MEMO1: variants seen among roughly 807,000 people sequenced by gnomAD.
MEMO1 encodes protein MEMO1.
In MEMO1, 6 loss-of-function variants were observed where a neutral mutation model predicts 45.2. That is an observed-to-expected ratio of 0.13 (90% CI 0.07 to 0.26). The LOEUF (loss-of-function observed/expected upper bound fraction) is 0.26, where lower values mean the gene tolerates loss of function less well. MEMO1 is among the 10% of genes least tolerant of loss of function. The pLI is 1.00. For synonymous variants in MEMO1, 78 were observed against 124.3 expected (o/e 0.63, Z 2.48); for missense variants, 184 against 370.5 (o/e 0.50, Z 4.13).
chr2:31,937,198 G>A (rs1171137210), intron 3 of MEMO1, among the ~76,000 whole-genome samples: 2 of 152,096 alleles, frequency 1.3e-5, no homozygotes, highest in Non-Finnish European at 2.9e-5. Flanking sequence ...AAAAATATCA[G>A]TAGATAATTG....
intron 2 of MEMO1, among the ~76,000 whole-genome samples, chr2:31,993,949 C>CTTTTTTTTTTTTTTTTTTTTTTT (rs397800267): frequency 1.4e-5 from 1 of 73,556 alleles, no homozygotes. Flanking sequence ...TCAATACTTT[C>CTTTTTTTTTTTTTTTTTTTTTTT]TTTTTTTTTT....
intron 3 of MEMO1, 106 bp downstream of exon 3, chr2:31,943,196 C>A: frequency 1.2e-6 from 1 of 816,506 alleles, no homozygotes; most frequent in South Asian, 1.4e-5. Flanking sequence ...ACCTGGGAGG[C>A]GGAGGTTGCA....
chr2:31,887,038 T>C (rs2147963526), intron 7 of MEMO1, among the ~76,000 whole-genome samples: 1 of 152,278 alleles, frequency 6.6e-6, no homozygotes, highest in Admixed American at 6.5e-5. Context: ...ACCTTACTCT[T>C]TGAGGGAAGG....
intron 6 of MEMO1, among the ~76,000 whole-genome samples, chr2:31,916,593 T>A (rs1021122437): frequency 1.3e-5 from 2 of 152,212 alleles, no homozygotes; most frequent in African/African-American, 4.8e-5. Context: ...TCTCAGTGAA[T>A]AACAATATTC....
intron 4 of MEMO1, among the ~76,000 whole-genome samples, chr2:31,925,726 C>T (rs772711329): frequency 7.9e-5 from 12 of 152,084 alleles, no homozygotes; most frequent in Non-Finnish European, 1.5e-4. Flanking sequence ...AGCGTAAAAC[C>T]ACTGGCCCAT....
At chr2:31,921,866 C>T (rs1333784787) in intron 4 of MEMO1, among the ~76,000 whole-genome samples, 1 of 152,116 alleles carries the variant, frequency 6.6e-6, no homozygotes, top group African/African-American at 2.4e-5. Flanking sequence ...GTTATTTGCA[C>T]TGTAGTCTAA....
chr2:31,980,449 T>C (rs904256180), intron 2 of MEMO1, among the ~76,000 whole-genome samples: 2 of 152,098 alleles, frequency 1.3e-5, no homozygotes, highest in Admixed American at 1.3e-4. Context: ...AATAAATATA[T>C]AATTTTTAGA....
At chr2:31,907,517 G>A (rs1382363617) in intron 6 of MEMO1, among the ~76,000 whole-genome samples, 4 of 151,858 alleles carry the variant, frequency 2.6e-5, no homozygotes, top group Admixed American at 2.0e-4. Context: ...TAGTAAGTCC[G>A]GGCACAGTGG....
chr2:32,010,710 C>G (rs1572980202), intron 1 of MEMO1, among the ~76,000 whole-genome samples: 2 of 149,908 alleles, frequency 1.3e-5, no homozygotes, highest in Non-Finnish European at 3.0e-5. Context: ...CCGCACCCAC[C>G]CCCACCCCCG....
chr2:31,958,698 C>T (rs10439444), intron 2 of MEMO1, among the ~76,000 whole-genome samples: 65,129 of 151,990 alleles, frequency 0.43, 14,165 homozygotes, highest in Admixed American at 0.47. Context: ...ATCACCCTGG[C>T]CGGAATGCAA....
At chr2:31,932,643 G>A (rs1322850225) in intron 3 of MEMO1, among the ~76,000 whole-genome samples, 1 of 152,040 alleles carries the variant, frequency 6.6e-6, no homozygotes, top group Non-Finnish European at 1.5e-5. Context: ...CTCTGTTGCT[G>A]AGGCTGGTCT....
chr2:31,919,253 A>G (rs1681917532), intron 5 of MEMO1, among the ~76,000 whole-genome samples: 1 of 151,928 alleles, frequency 6.6e-6, no homozygotes, highest in African/African-American at 2.4e-5. Flanking sequence ...AGCTCAAGCC[A>G]TCCTCCTACC....
In MEMO1 at chr2:31,943,368, G is replaced by A. The variant is rs1665834503; in HGVS notation, c.77C>T (p.Ala26Val). Residue 26 changes from alanine to valine, a missense_variant, in exon 3 of 10, where the codon GCA (alanine) becomes GTA (valine). By Grantham distance (64) the Ala-to-Val change is moderately conservative. Coordinates refer to ENST00000404530, the MANE Select transcript of MEMO1 (RefSeq NM_001301833.4). The part of the protein sequence containing the change: ...WYTASGPQLN[A>V]QLEGWLSQVQ... Reference sequence around the variant, plus strand: ...TTGTGAAAGCCAACCTTCTAGCTGTGCATTCAGCTGCGGTCCTATAAAAAG... The same window carrying A: ...TTGTGAAAGCCAACCTTCTAGCTGTACATTCAGCTGCGGTCCTATAAAAAG... 4.3e-6 allele frequency: 7 copies of A among 1,612,574 alleles called. No homozygotes were observed. The highest frequency in any genetic ancestry group is 5.9e-6 in the Non-Finnish European group (7 of 1,178,652).
intron 2 of MEMO1, among the ~76,000 whole-genome samples, chr2:32,007,656 A>T (rs2148625189): frequency 6.6e-6 from 1 of 152,330 alleles, no homozygotes; most frequent in Admixed American, 6.5e-5. Context: ...TGCTGTAGGA[A>T]CCACAGAATG....
At chr2:31,958,321 CCTTT>C (rs1667631031) in intron 2 of MEMO1, among the ~76,000 whole-genome samples, 1 of 151,306 alleles carries the variant, frequency 6.6e-6, no homozygotes, top group African/African-American at 2.4e-5. Context: ...CAGTTCATTC[CCTTT>C]GGAATGAACT....
chr2:32,002,241 A>C (rs1330530749), intron 2 of MEMO1, among the ~76,000 whole-genome samples: 3 of 147,402 alleles, frequency 2.0e-5, no homozygotes, highest in Non-Finnish European at 4.5e-5. Context: ...ATATATACAT[A>C]TACATATATA....
intron 6 of MEMO1, among the ~76,000 whole-genome samples, chr2:31,899,994 C>G (rs1448370801): frequency 1.3e-5 from 2 of 152,198 alleles, no homozygotes; most frequent in East Asian, 3.8e-4. Flanking sequence ...CATCTCACAC[C>G]AGTTAGAATG....
intron 2 of MEMO1, among the ~76,000 whole-genome samples, chr2:31,984,126 C>T (rs187304763): frequency 4.6e-5 from 7 of 152,294 alleles, no homozygotes; most frequent in Admixed American, 1.3e-4. Flanking sequence ...TGGACTTCAG[C>T]GACTCACATC....
intron 2 of MEMO1, among the ~76,000 whole-genome samples, chr2:31,974,234 C>T (rs1375265898): frequency 6.6e-6 from 1 of 152,054 alleles, no homozygotes; most frequent in Non-Finnish European, 1.5e-5. Context: ...AAAGTTAAAT[C>T]AATTTATGAC....
Sources: allele counts gnomAD v4.1 joint callset (sites outside exome capture counted in the v4.1 genomes callset), GRCh38; gene constraint gnomAD v4.1.1; transcripts MANE v1.5; gene names NCBI Gene and HGNC (gene_info 2026-07-23, HGNC 2026-07-21).